The following RORA variants were observed in gnomAD, a reference collection of about 807,000 sequenced individuals.
The protein encoded by RORA is nuclear receptor ROR-alpha.
RORA carries 7 observed loss-of-function variants against 69.5 expected under a neutral mutation model. The observed-to-expected ratio is 0.10, with a 90% CI of 0.06 to 0.19. The LOEUF (loss-of-function observed/expected upper bound fraction) is 0.19, where lower values mean the gene tolerates loss of function less well. Ranked by LOEUF, RORA falls within the 10% of genes least tolerant of loss-of-function variation. The pLI, the probability that RORA is intolerant of heterozygous loss-of-function variation, is 1.00. For synonymous variants in RORA, 261 were observed against 240.8 expected, an observed-to-expected ratio of 1.08 and a Z score of -0.78; for missense variants, 457 against 663.0, an observed-to-expected ratio of 0.69 and a Z score of 3.41.
chr15:60,523,441 T>C (rs2066243826), intron 3 of RORA, among the ~76,000 whole-genome samples: 1 of 152,208 alleles, frequency 6.6e-6, no homozygotes, highest in Admixed American at 6.5e-5. Context: ...GTTTGAAAAT[T>C]ATGTGAAATT....
intron 1 of RORA, among the ~76,000 whole-genome samples, chr15:61,048,866 G>A (rs1176186540): frequency 1.3e-5 from 2 of 152,150 alleles, no homozygotes; most frequent in Non-Finnish European, 2.9e-5. Context: ...CTCAGACACA[G>A]TCAAGGATCA....
chr15:61,055,905 T>C (rs1378030457), intron 1 of RORA, among the ~76,000 whole-genome samples: 2 of 152,210 alleles, frequency 1.3e-5, no homozygotes, highest in Non-Finnish European at 2.9e-5. Context: ...AATAGTCCTT[T>C]ATGTGAAGCA....
At chr15:60,960,129 G>A (rs2140342043) in intron 1 of RORA, among the ~76,000 whole-genome samples, 1 of 152,276 alleles carries the variant, frequency 6.6e-6, no homozygotes, top group East Asian at 1.9e-4. Flanking sequence ...GGTTTACACA[G>A]CCACCTGGCT....
chr15:60,876,438 T>G (rs1025807613), intron 1 of RORA, among the ~76,000 whole-genome samples: 1 of 152,098 alleles, frequency 6.6e-6, no homozygotes, highest in Non-Finnish European at 1.5e-5. Context: ...TTTAAAATCT[T>G]TCTTCTTAGG....
chr15:60,870,278 C>A (rs1032937181), intron 1 of RORA, among the ~76,000 whole-genome samples: 3 of 152,148 alleles, frequency 2.0e-5, no homozygotes, highest in African/African-American at 7.2e-5. Flanking sequence ...ACATCCTATG[C>A]ACAAATTAAT....
chr15:61,034,572 G>C (rs2140453127), intron 1 of RORA, among the ~76,000 whole-genome samples: 1 of 152,190 alleles, frequency 6.6e-6, no homozygotes. Context: ...AAACCCTGGG[G>C]AACTGCCAGT....
chr15:60,744,541 C>A (rs1310502073), intron 1 of RORA, among the ~76,000 whole-genome samples: 1 of 152,164 alleles, frequency 6.6e-6, no homozygotes, highest in Non-Finnish European at 1.5e-5. Flanking sequence ...CAGGACATGT[C>A]ACTTACGCTC....
At chr15:60,697,307 G>A (rs2070919209) in intron 1 of RORA, among the ~76,000 whole-genome samples, 1 of 152,132 alleles carries the variant, frequency 6.6e-6, no homozygotes, top group Non-Finnish European at 1.5e-5. Flanking sequence ...AACATCTAGA[G>A]CAAAGAGCTA....
chr15:60,957,610 G>T (rs1230456136), intron 1 of RORA, among the ~76,000 whole-genome samples: 1 of 152,224 alleles, frequency 6.6e-6, no homozygotes, highest in African/African-American at 2.4e-5. Flanking sequence ...GGGGGCTATA[G>T]TTCAGTGAGG....
At chr15:60,973,813 C>A (rs770028437) in intron 1 of RORA, among the ~76,000 whole-genome samples, 1 of 152,210 alleles carries the variant, frequency 6.6e-6, no homozygotes, top group Non-Finnish European at 1.5e-5. Flanking sequence ...CTTCTGTAAC[C>A]GTGGGTCGGA....
chr15:60,925,559 G>C (rs1892189746), intron 1 of RORA, among the ~76,000 whole-genome samples: 1 of 152,216 alleles, frequency 6.6e-6, no homozygotes, highest in Non-Finnish European at 1.5e-5. Context: ...AGGGGAGTCA[G>C]GGAATCCCCA....
chr15:60,813,260 G>C (rs2072768091), intron 1 of RORA, among the ~76,000 whole-genome samples: 2 of 152,214 alleles, frequency 1.3e-5, no homozygotes, highest in Admixed American at 6.5e-5. Context: ...AGAGCAGACA[G>C]GTTGGTGAGG....
chr15:61,121,835 A>C (rs1326464620), intron 1 of RORA, among the ~76,000 whole-genome samples: 1 of 145,480 alleles, frequency 6.9e-6, no homozygotes, highest in Non-Finnish European at 1.5e-5. Context: ...GAAAAAAAAA[A>C]AATGACTTCC....
rs1292422511 is a variant in RORA, at chr15:60,754,589, C to T, written c.167-75903G>A. On this transcript the variant is annotated intron_variant, in intron 1 of 10. Transcript: ENST00000335670. ...TGACCCCCAACTTTGACGCCCTTCC[C>T]TCATTCTTCAGGGACAACTCAACTT... Among the ~76,000 whole-genome samples the T allele has an allele frequency of 2.0e-5, 3 of 152,174 alleles. No individual in the cohort carries two copies. The East Asian group carries it at 5.8e-4, about 29-fold the overall frequency.
At chr15:61,014,067 G>A (rs946710627) in intron 1 of RORA, among the ~76,000 whole-genome samples, 1 of 152,084 alleles carries the variant, frequency 6.6e-6, no homozygotes, top group Non-Finnish European at 1.5e-5. Flanking sequence ...ACAGGCGTGA[G>A]CCACCGCACC....
At chr15:60,658,211 G>T (rs1007302394) in intron 2 of RORA, among the ~76,000 whole-genome samples, 35 of 151,964 alleles carry the variant, frequency 2.3e-4, no homozygotes, top group African/African-American at 8.2e-4. Context: ...CTCCTGAGTA[G>T]GTGGGATCAC....
chr15:60,859,702 C>T (rs1257779089), intron 1 of RORA, among the ~76,000 whole-genome samples: 2 of 130,598 alleles, frequency 1.5e-5, no homozygotes, highest in East Asian at 2.3e-4. Flanking sequence ...CTTGTCTAGG[C>T]TGTAAATTTT....
intron 1 of RORA, among the ~76,000 whole-genome samples, chr15:60,915,501 C>T (rs1039682526): frequency 7.9e-5 from 12 of 152,198 alleles, no homozygotes; most frequent in African/African-American, 2.4e-4. Context: ...GATTGTTTCT[C>T]GGCATTGTCA....
chr15:61,021,359 C>T (rs1895513277), intron 1 of RORA, among the ~76,000 whole-genome samples: 1 of 152,202 alleles, frequency 6.6e-6, no homozygotes, highest in African/African-American at 2.4e-5. Context: ...ACTGCCTAAA[C>T]TTAGAATTGT....
Sources: gnomAD v4.1 joint callset for allele counts (sites outside exome capture counted in the v4.1 genomes callset) on GRCh38, gnomAD v4.1.1 for gene constraint, MANE v1.5 for transcripts, NCBI Gene and HGNC (gene_info 2026-07-23, HGNC 2026-07-21) for gene names.